Variants in PMFBP1 observed in about 807,000 individuals in gnomAD.
PMFBP1 encodes polyamine-modulated factor 1-binding protein 1.
Under a neutral mutation model 137.8 loss-of-function variants are expected in PMFBP1, and 131 were observed. The observed-to-expected ratio is 0.95, with a 90% CI of 0.82 to 1.10. The LOEUF is 1.10. Among genes scored for constraint, PMFBP1 ranks in the 50% least tolerant of loss-of-function variants. PMFBP1 has a pLI of 0.00. For synonymous variants in PMFBP1, 490 were observed against 450.4 expected (o/e 1.09, Z -1.11); for missense variants, 1,199 against 1,175.4 (o/e 1.02, Z -0.29).
intron 7 of PMFBP1, among the ~76,000 whole-genome samples, chr16:72,138,593 G>A (rs2042668906): frequency 6.6e-6 from 1 of 152,202 alleles, no homozygotes; most frequent in Admixed American, 6.5e-5. Context: ...TCAGATCACT[G>A]CAAGCTCGAC....
chr16:72,234,300 C>A, the PMFBP1 span, among the ~76,000 whole-genome samples: 3 of 152,140 alleles, frequency 2.0e-5, no homozygotes, highest in Non-Finnish European at 4.4e-5. Flanking sequence ...CGACAGTGCA[C>A]AAACTATCTG....
chr16:72,128,424 A>G, intron 14 of PMFBP1: 1 of 1,474,012 alleles, frequency 6.8e-7, no homozygotes. Context: ...AAGCCCAAAT[A>G]GCTTGGGGCT....
chr16:72,221,949 T>G, the PMFBP1 span, among the ~76,000 whole-genome samples: 11 of 152,180 alleles, frequency 7.2e-5, no homozygotes, highest in Non-Finnish European at 4.4e-5. Context: ...TTAACAACAG[T>G]TATTGAGTAG....
chr16:72,189,110 C>T, the PMFBP1 span, among the ~76,000 whole-genome samples: 1 of 151,972 alleles, frequency 6.6e-6, no homozygotes, highest in Non-Finnish European at 1.5e-5. Flanking sequence ...TGCCAGGCAC[C>T]GTGCTATGGA....
the PMFBP1 span, among the ~76,000 whole-genome samples, chr16:72,223,408 G>A: frequency 6.6e-6 from 1 of 152,264 alleles, no homozygotes; most frequent in East Asian, 1.9e-4. Flanking sequence ...ATCCTTAATT[G>A]CAAGGCTCTT....
At chr16:72,182,199 C>T in the PMFBP1 span, among the ~76,000 whole-genome samples, 27 of 152,192 alleles carry the variant, frequency 1.8e-4, no homozygotes, top group Admixed American at 3.9e-4. Context: ...GAGAGGTGCA[C>T]CTCAGGCACT....
chr16:72,242,179 C>T, the PMFBP1 span, among the ~76,000 whole-genome samples: 101 of 152,272 alleles, frequency 6.6e-4, no homozygotes, highest in Non-Finnish European at 1.3e-3. Context: ...TGACTCATCC[C>T]GCAGTGACTG....
chr16:72,145,569 C>CA (rs1388009981), intron 5 of PMFBP1, among the ~76,000 whole-genome samples: 3 of 152,086 alleles, frequency 2.0e-5, no homozygotes, highest in South Asian at 2.1e-4. Flanking sequence ...AAAAAACCTT[C>CA]AAAAAATCAA....
At chr16:72,197,361 T>C in the PMFBP1 span, among the ~76,000 whole-genome samples, 1 of 152,200 alleles carries the variant, frequency 6.6e-6, no homozygotes, top group African/African-American at 2.4e-5. Flanking sequence ...CCCTGCATCA[T>C]GCATGGTCAA....
chr16:72,195,812 G>T, the PMFBP1 span, among the ~76,000 whole-genome samples: 1 of 152,260 alleles, frequency 6.6e-6, no homozygotes, highest in East Asian at 1.9e-4. Flanking sequence ...AGCTAGGCTT[G>T]GCCAGGGCCG....
At chr16:72,209,668 G>A in the PMFBP1 span, among the ~76,000 whole-genome samples, 1 of 151,962 alleles carries the variant, frequency 6.6e-6, no homozygotes, top group Non-Finnish European at 1.5e-5. Flanking sequence ...CATTTATTAA[G>A]TACCCATGTG....
chr16:72,118,562 C>T (rs1429264002), downstream of PMFBP1, among the ~76,000 whole-genome samples: 4 of 152,178 alleles, frequency 2.6e-5, no homozygotes, highest in Non-Finnish European at 5.9e-5. Flanking sequence ...ATTAATATTA[C>T]CCTAGTAGTG....
At chr16:72,128,872 C>G (rs1421922892) in intron 13 of PMFBP1, 78 bp from the exon 14 acceptor site, 1 of 1,581,592 alleles carries the variant, frequency 6.3e-7, no homozygotes, top group Admixed American at 1.7e-5. Flanking sequence ...CTCCACCCTC[C>G]CTCTCACCCA....
At chr16:72,164,711 C>G in intron 3 of PMFBP1, 53 bp downstream of exon 3, 1 of 1,540,376 alleles carries the variant, frequency 6.5e-7, no homozygotes, top group Admixed American at 2.0e-5. Flanking sequence ...CCCAAGGGAG[C>G]AGAGGCAGAA....
the PMFBP1 span, among the ~76,000 whole-genome samples, chr16:72,200,304 T>G: frequency 6.6e-6 from 1 of 152,258 alleles, no homozygotes; most frequent in Non-Finnish European, 1.5e-5. Flanking sequence ...CAGCTGTTCA[T>G]GAAACAGATT....
rs16973716 is a variant in PMFBP1, at chr16:72,122,943, T to A, written c.2739A>T (p.Lys913Asn). Reference sequence around the variant, plus strand: ...TTTCGCCACTCAGCTTGGCAATGTATTTCACCTGCTCTCGGAGCTGGTTTC... The same window carrying A: ...TTTCGCCACTCAGCTTGGCAATGTAATTCACCTGCTCTCGGAGCTGGTTTC... ...KLGNQLREQV[K>N]YIAKLSGEKD... Residue 913 changes from lysine (K) to asparagine (N), a missense_variant, in exon 19 of 21, where the codon AAA becomes AAT. Lys to Asn is a moderately conservative substitution (Grantham distance 94). Coordinates refer to ENST00000237353, the MANE Select transcript of PMFBP1 (RefSeq NM_031293.3). The A allele has an allele frequency of 6.2e-7, 1 of 1,612,938 alleles. No individual in the cohort carries two copies.
At position 72,124,113 on chromosome 16, in the gene PMFBP1, G is replaced by A. The variant is rs538672731; in HGVS notation, c.2590-464C>T. ...CAGCTTAACCTCCCCCCCGGCTCAA[G>A]CTATCCTCCCACTTAGCCTGCCGAG... On this transcript the variant is annotated intron_variant, in intron 17 of 20. Transcript: ENST00000237353. Among the ~76,000 whole-genome samples the A allele has an allele frequency of 2.9e-4, 44 of 152,230 alleles. No individual in the cohort carries two copies. The South Asian group carries it at 8.9e-3, about 31-fold the overall frequency.
chr16:72,213,183 T>C, the PMFBP1 span, among the ~76,000 whole-genome samples: 1 of 140,298 alleles, frequency 7.1e-6, no homozygotes, highest in African/African-American at 2.7e-5. Flanking sequence ...CTGGTCCAGA[T>C]TACAGCAAGA....
chr16:72,228,487 A>G, the PMFBP1 span, among the ~76,000 whole-genome samples: 2 of 151,960 alleles, frequency 1.3e-5, no homozygotes, highest in East Asian at 1.9e-4. Flanking sequence ...CTGCTGAGAC[A>G]CTCTTCTCCC....
Sources: allele counts gnomAD v4.1 joint callset (sites outside exome capture counted in the v4.1 genomes callset), GRCh38; gene constraint gnomAD v4.1.1; transcripts MANE v1.5; gene names NCBI Gene and HGNC (gene_info 2026-07-23, HGNC 2026-07-21).